The following PKP2 variants were observed in gnomAD, a reference collection of about 807,000 sequenced individuals.
PKP2 encodes the protein plakophilin-2.
PKP2 carries 73 observed loss-of-function variants against 83.4 expected under a neutral mutation model. The observed-to-expected ratio is 0.88, with a 90% CI of 0.72 to 1.06. The LOEUF (loss-of-function observed/expected upper bound fraction) is 1.06. Ranked by LOEUF, PKP2 falls within the 50% of genes least tolerant of loss-of-function variation. The pLI is 0.00. For missense variants in PKP2, 966 were observed against 1,065.4 expected, an observed-to-expected ratio of 0.91 and a Z score of 1.30; for synonymous variants, 409 against 430.4, an observed-to-expected ratio of 0.95 and a Z score of 0.62.
intron 1 of PKP2, among the ~76,000 whole-genome samples, chr12:32,890,390 T>G (rs921375822): frequency 6.6e-6 from 1 of 152,144 alleles, no homozygotes; most frequent in African/African-American, 2.4e-5. Flanking sequence ...ATCCACAAAT[T>G]CTGGAAATCA....
At chr12:32,850,123 A>G (rs1956682766) in intron 5 of PKP2, among the ~76,000 whole-genome samples, 1 of 152,254 alleles carries the variant, frequency 6.6e-6, no homozygotes, top group Non-Finnish European at 1.5e-5. Context: ...GTGGGCTGTT[A>G]GTGAATTTAA....
chr12:32,820,442 A>G (rs1175752404), intron 9 of PKP2: 2 of 152,078 alleles, frequency 1.3e-5, no homozygotes, highest in Non-Finnish European at 2.9e-5. Flanking sequence ...ATAACCTTTT[A>G]CTATTTTAAT....
rs187367300 is a variant in PKP2, at chr12:32,844,538, T to G, written c.1379-3333A>C. 1.7e-3 allele frequency among the ~76,000 whole-genome samples: 252 copies of G among 152,292 alleles called. 1 individual carries two copies. The highest frequency in any genetic ancestry group is 5.8e-3 in the African/African-American group (242 of 41,566). On this transcript the variant is annotated intron_variant, in intron 5 of 12. Transcript: ENST00000340811. The stretch of plus-strand genomic sequence containing the variant: ...ACAACTAGATATCATTTTCCATGAC[T>G]AGAGGAGGCAAAACCAGAACCGATG...
rs953284543 is a variant in PKP2 at position 32,850,846 on chromosome 12, A to G, written c.1298T>C (p.Val433Ala). The G allele has an allele frequency of 1.2e-6, 2 of 1,613,806 alleles. No homozygotes were observed. The highest frequency in any genetic ancestry group is 1.7e-6 in the Non-Finnish European group (2 of 1,179,854). Residue 433 changes from valine to alanine, a missense_variant, in exon 5 of 13, where the codon GTG (valine) becomes GCG (alanine). Coordinates refer to ENST00000340811, the MANE Select transcript of PKP2 (RefSeq NM_001005242.3). ...CCGAGGTACCCCATTTAGTTCAGCC[A>G]CCTCCAATTTGTTGTCATTGTCTTC... ...VFEDNDNKLE[V>A]AELNGVPRLL...
chr12:32,873,149 G>C (rs939162747), intron 3 of PKP2, among the ~76,000 whole-genome samples: 1 of 152,178 alleles, frequency 6.6e-6, no homozygotes, highest in Non-Finnish European at 1.5e-5. Context: ...GCCCAGGCTG[G>C]AGTGCAGTGT....
rs151212477 is a variant in PKP2 at position 32,843,203 on chromosome 12, G to A, written c.1379-1998C>T. 2 of 581,028 alleles carry A rather than the reference G, an allele frequency of 3.4e-6. No homozygotes were observed. Among genetic ancestry groups the A allele is most frequent in the Non-Finnish European group, 6.3e-6 (2 of 319,440 alleles). The allele number at this position is 581,028 out of a possible 1,614,324, so 36.0% of individuals were successfully genotyped here. ...TCACCATGTTGGTCAGGCTGGTCTCGAACTCCTGACCTCGTGATCCGCCCG... is the reference window on the plus strand; with the variant it reads ...TCACCATGTTGGTCAGGCTGGTCTCAAACTCCTGACCTCGTGATCCGCCCG... On this transcript the variant is annotated intron_variant, in intron 5 of 12. Coordinates refer to ENST00000340811, the MANE Select transcript of PKP2 (RefSeq NM_001005242.3).
chr12:32,884,448 C>T (rs774513397), intron 1 of PKP2, among the ~76,000 whole-genome samples: 1 of 152,008 alleles, frequency 6.6e-6, no homozygotes, highest in Non-Finnish European at 1.5e-5. Context: ...AGTGAGACTC[C>T]ATCTCAAGAA....
chr12:32,865,689 A>AAAAAAAAAAAAAAAAAG (rs1326542749), intron 4 of PKP2, among the ~76,000 whole-genome samples: 4 of 151,628 alleles, frequency 2.6e-5, no homozygotes, highest in African/African-American at 9.7e-5. Context: ...CTCAAAAAAA[A>AAAAAAAAAAAAAAAAAG]AAAGACAAAT....
chr12:32,894,321 C>T (rs927051561), intron 1 of PKP2: 3 of 152,126 alleles, frequency 2.0e-5, no homozygotes, highest in East Asian at 1.9e-4. Context: ...GGTTGGCTTC[C>T]TTCTTCAAAC....
intron 3 of PKP2, among the ~76,000 whole-genome samples, chr12:32,876,951 C>T (rs1471835116): frequency 6.6e-6 from 1 of 152,180 alleles, no homozygotes; most frequent in Non-Finnish European, 1.5e-5. Flanking sequence ...ATTAGATTAG[C>T]CCTCATCATT....
At chr12:32,841,637 A>G (rs1196912892) in intron 5 of PKP2, among the ~76,000 whole-genome samples, 3 of 152,200 alleles carry the variant, frequency 2.0e-5, no homozygotes, top group African/African-American at 7.2e-5. Flanking sequence ...TCCCTTAGAT[A>G]CACATGGGAA....
chr12:32,855,928 C>T (rs1243472523), intron 4 of PKP2, among the ~76,000 whole-genome samples: 1 of 151,728 alleles, frequency 6.6e-6, no homozygotes. Context: ...AAATAATGAG[C>T]CTGTATTTAT....
Position 32,849,005 on chromosome 12 carries a change from T to TAAA in PKP2, c.1378+1758_1378+1760dup, listed in dbSNP as rs397850139. On this transcript the variant is annotated intron_variant, in intron 5 of 12. Coordinates refer to ENST00000340811, the MANE Select transcript of PKP2 (RefSeq NM_001005242.3). ...AGAACACTGTCAACTATTACACAGTTAAAAAAAAAAAAAAAAAAACCTCTT... is the reference window on the plus strand; with the variant it reads ...AGAACACTGTCAACTATTACACAGTTAAAAAAAAAAAAAAAAAAAAAACCTCTT... Among the ~76,000 whole-genome samples the TAAA allele has an allele frequency of 1.1e-3, 138 of 122,990 alleles. 1 individual carries two copies. The highest frequency in any genetic ancestry group is 3.7e-3 in the African/African-American group (124 of 33,766). 80.7% of individuals were successfully genotyped at this position (122,990 alleles called of 152,430 possible). A position where few individuals can be genotyped will look rare whatever the true frequency, so the allele number is the denominator to read the frequency against.
intron 9 of PKP2, among the ~76,000 whole-genome samples, chr12:32,812,640 C>A (rs1592733737): frequency 6.6e-6 from 1 of 151,966 alleles, no homozygotes; most frequent in African/African-American, 2.4e-5. Flanking sequence ...GTAGCTGGGA[C>A]TACAGGCGCC....
chr12:32,892,279 C>T (rs572502785), intron 1 of PKP2, among the ~76,000 whole-genome samples: 1 of 151,842 alleles, frequency 6.6e-6, no homozygotes, highest in South Asian at 2.1e-4. Flanking sequence ...TCTTTTGCTA[C>T]CCTGAGCCAA....
intron 4 of PKP2, among the ~76,000 whole-genome samples, chr12:32,857,324 G>A (rs564098156): frequency 7.9e-5 from 12 of 152,196 alleles, no homozygotes; most frequent in African/African-American, 2.9e-4. Context: ...TACTCGGGAG[G>A]CTGAGAGAGG....
intron 11 of PKP2, among the ~76,000 whole-genome samples, chr12:32,795,291 T>G (rs1025153507): frequency 1.3e-5 from 2 of 151,338 alleles, no homozygotes; most frequent in South Asian, 4.2e-4. Context: ...GCGGAAGAGA[T>G]AAGACAGAGA....
At chr12:32,888,730 TG>T (rs1223116832) in intron 1 of PKP2, among the ~76,000 whole-genome samples, 1 of 151,796 alleles carries the variant, frequency 6.6e-6, no homozygotes, top group Admixed American at 6.6e-5. Flanking sequence ...CGACCTCAGA[TG>T]ATCCACCCGC....
At chr12:32,836,553 G>A (rs1956546851) in intron 6 of PKP2, among the ~76,000 whole-genome samples, 1 of 152,164 alleles carries the variant, frequency 6.6e-6, no homozygotes, top group Non-Finnish European at 1.5e-5. Flanking sequence ...AACGGAGAAA[G>A]TTCACTGTTG....
Sources: gnomAD v4.1 joint callset for allele counts (sites outside exome capture counted in the v4.1 genomes callset) on GRCh38, gnomAD v4.1.1 for gene constraint, MANE v1.5 for transcripts, NCBI Gene and HGNC (gene_info 2026-07-23, HGNC 2026-07-21) for gene names.